Variants in PWP1 observed in about 807,000 individuals in gnomAD.
The protein encoded by PWP1 is PWP1 homolog, endonuclein.
A neutral mutation model predicts 69.9 loss-of-function variants in PWP1; 47 were observed. That is an observed-to-expected ratio of 0.67 (90% CI 0.53 to 0.86). The LOEUF is 0.86. Among genes scored for constraint, PWP1 ranks in the 40% least tolerant of loss-of-function variants. The pLI is 0.00. For synonymous variants in PWP1, 222 were observed against 208.2 expected (o/e 1.07, Z -0.57); for missense variants, 551 against 608.8 (o/e 0.91, Z 1.00).
intron 7 of PWP1, 149 bp from the exon 8 acceptor site, chr12:107,699,223 CA>C (rs1251639225): frequency 5.1e-6 from 3 of 592,368 alleles, no homozygotes; most frequent in Non-Finnish European, 8.9e-6. Flanking sequence ...CGTGCAACTG[CA>C]CTCTAGCCAG....
At chr12:107,706,311 T>C (rs1889823076) in intron 11 of PWP1, among the ~76,000 whole-genome samples, 1 of 152,282 alleles carries the variant, frequency 6.6e-6, no homozygotes, top group Non-Finnish European at 1.5e-5. Flanking sequence ...GTCAGATGAG[T>C]AGATTGCAAA....
intron 8 of PWP1, 104 bp from the exon 9 acceptor site, chr12:107,702,831 A>G (rs1889739656): frequency 2.8e-6 from 2 of 720,726 alleles, no homozygotes; most frequent in South Asian, 3.1e-5. Flanking sequence ...ATTTATTCCT[A>G]AGTATTTTAT....
intron 11 of PWP1, among the ~76,000 whole-genome samples, chr12:107,708,653 G>T (rs1257489290): frequency 6.6e-6 from 1 of 152,164 alleles, no homozygotes; most frequent in African/African-American, 2.4e-5. Context: ...TGTTCACGTG[G>T]ATGTAACTAT....
intron 1 of PWP1, among the ~76,000 whole-genome samples, chr12:107,686,634 C>T (rs2136267099): frequency 6.6e-6 from 1 of 152,268 alleles, no homozygotes; most frequent in South Asian, 2.1e-4. Flanking sequence ...TTCTGTAGGC[C>T]AGGCATTGTT....
chr12:107,688,835 A>C (rs1322282758), intron 3 of PWP1, 33 bp downstream of exon 3: 1 of 1,585,246 alleles, frequency 6.3e-7, no homozygotes, highest in Admixed American at 1.7e-5. Flanking sequence ...GTTTGTAATT[A>C]CAAGCTCAAT....
intron 3 of PWP1, among the ~76,000 whole-genome samples, chr12:107,689,065 T>C (rs1889431786): frequency 6.6e-6 from 1 of 152,226 alleles, no homozygotes; most frequent in African/African-American, 2.4e-5. Flanking sequence ...GTAACCCACT[T>C]GTGAGTTTTT....
rs748131399 is a variant in PWP1 at position 107,704,631 on chromosome 12, T to C, written c.966-5T>C. On this transcript the variant is annotated splice_region_variant and splice_polypyrimidine_tract_variant and intron_variant, in intron 10 of 14. Coordinates refer to ENST00000412830, the MANE Select transcript of PWP1 (RefSeq NM_007062.3). The stretch of plus-strand genomic sequence containing the variant: ...AAAACCCTAACTTTGCCTGAATGTG[T>C]CTAGGTCAGTGGCTTTGTATGACTG... 1.2e-6 allele frequency: 2 copies of C among 1,612,600 alleles called. No individual in the cohort carries two copies. Among genetic ancestry groups the C allele is most frequent in the South Asian group, 1.1e-5 (1 of 91,014 alleles).
In PWP1 at chr12:107,688,766, T is replaced by C. The variant is rs1211013868; in HGVS notation, c.283T>C (p.Tyr95His). 1.2e-6 allele frequency: 2 copies of C among 1,614,032 alleles called. No individual in the cohort carries two copies. Among genetic ancestry groups the C allele is most frequent in the Non-Finnish European group, 1.7e-6 (2 of 1,180,026 alleles). The change falls in exon 3 of 15, where the codon TAC (tyrosine) becomes CAC (histidine). Residue 95 changes from tyrosine to histidine, a missense_variant. Physicochemically the swap from Tyr to His is moderately conservative, Grantham distance 83. Coordinates refer to ENST00000412830, the MANE Select transcript of PWP1 (RefSeq NM_007062.3). The part of the protein sequence containing the change: ...RTLDDDELAE[Y>H]DLDKYDEEGD... ...GCTTGATGATGATGAGCTGGCTGAG[T>C]ACGACTTAGATAAATATGATGAGGA...
rs1414699190 is a variant in PWP1, at chr12:107,688,787, G to A, written c.304G>A (p.Glu102Lys). The change falls in exon 3 of 15, where the codon GAG becomes AAG. Residue 102 changes from glutamate (E) to lysine (K), a missense_variant. Coordinates refer to ENST00000412830, the MANE Select transcript of PWP1 (RefSeq NM_007062.3). ...TGAGTACGACTTAGATAAATATGAT[G>A]AGGAAGGTGACCCAGGTTAGTTTAT... ...LAEYDLDKYD[E>K]EGDPDAETLG... The A allele has an allele frequency of 6.2e-7, 1 of 1,613,850 alleles. No homozygotes were observed. Among genetic ancestry groups the A allele is most frequent in the East Asian group, 2.2e-5 (1 of 44,880 alleles).
rs576567443 is a variant in PWP1, at chr12:107,705,764, A to C, written c.1077+1017A>C. On this transcript the variant is annotated intron_variant, in intron 11 of 14. Transcript: ENST00000412830. ...TATATGTGCCACATTTTCTTAATCC[A>C]GTCTATCATTGATGGACATCTGGGT... Among the ~76,000 whole-genome samples the C allele has an allele frequency of 5.5e-3, 839 of 152,178 alleles. 13 individuals are homozygous for C. Among genetic ancestry groups the C allele is most frequent in the African/African-American group, 0.019 (802 of 41,500 alleles).
At chr12:107,692,468 T>A (rs10746092) in intron 3 of PWP1, among the ~76,000 whole-genome samples, 3 of 152,020 alleles carry the variant, frequency 2.0e-5, no homozygotes, top group East Asian at 3.9e-4. Flanking sequence ...TTCCAGGTCC[T>A]CAAGGCTGCC....
chr12:107,697,937 T>TA, intron 7 of PWP1: 2 of 369,428 alleles, frequency 5.4e-6, no homozygotes, highest in South Asian at 2.1e-5. Flanking sequence ...CCTTGAACTT[T>TA]AAAAAAATTT....
intron 13 of PWP1, among the ~76,000 whole-genome samples, chr12:107,709,510 C>CTT (rs751083294): frequency 5.9e-4 from 77 of 131,372 alleles, no homozygotes; most frequent in African/African-American, 1.8e-3. Flanking sequence ...GAAATGGCTG[C>CTT]TTTTTTTTTT....
At position 107,688,908 on chromosome 12, in the gene PWP1, A is replaced by T. The variant is rs1477311434; in HGVS notation, c.319+106A>T. The stretch of plus-strand genomic sequence containing the variant: ...CTTAGATTTTATTGTTCTTGACATC[A>T]GTAAGATAATCTGGTTGAAGACTTG... On this transcript the variant is annotated intron_variant, in intron 3 of 14. Coordinates refer to ENST00000412830, the MANE Select transcript of PWP1 (RefSeq NM_007062.3). 16 of 1,194,152 alleles carry T rather than the reference A, an allele frequency of 1.3e-5. No individual in the cohort carries two copies. The East Asian group carries it at 2.3e-4, about 17-fold the overall frequency. 74.0% of individuals were successfully genotyped at this position (1,194,152 alleles called of 1,614,324 possible).
intron 11 of PWP1, 123 bp downstream of exon 11, chr12:107,704,870 G>T: frequency 1.4e-6 from 1 of 714,076 alleles, no homozygotes; most frequent in Non-Finnish European, 2.3e-6. Flanking sequence ...TTGGGTTTAG[G>T]GTTGAAAGCA....
Position 107,712,861 on chromosome 12 carries a change from T to G in PWP1, c.*641T>G, listed in dbSNP as rs1242619059. 1.3e-5 allele frequency: 2 copies of G among 152,254 alleles called. No individual in the cohort carries two copies. Among genetic ancestry groups the G allele is most frequent in the African/African-American group, 4.8e-5 (2 of 41,460 alleles). The allele number at this position is 152,254 out of a possible 1,614,324, so 9.4% of individuals were successfully genotyped here. A position where few individuals can be genotyped will look rare whatever the true frequency, so the allele number is the denominator to read the frequency against. On this transcript the variant is annotated 3_prime_UTR_variant, in exon 15 of 15. Transcript: ENST00000412830. ...TATACAAGGCATGGGAGATTCAGTG[T>G]GAATAAGTCTTTGCTCTCCACCTAA...
chr12:107,698,540 C>T (rs1182800422), intron 7 of PWP1, among the ~76,000 whole-genome samples: 1 of 152,156 alleles, frequency 6.6e-6, no homozygotes, highest in African/African-American at 2.4e-5. Context: ...AAAAAATAAA[C>T]TACTATAGTT....
rs76190892 is a variant in PWP1 at position 107,705,387 on chromosome 12, T to A, written c.1077+640T>A. On this transcript the variant is annotated intron_variant, in intron 11 of 14. Transcript: ENST00000412830. ...GTGAGAAAGAGTTTTTTTTTTTTTT[T>A]AAATTTAAGTTCTAGGATACATGTG... is the stretch of plus-strand genomic sequence containing the variant. 4.0e-5 allele frequency among the ~76,000 whole-genome samples: 6 copies of A among 151,750 alleles called. No homozygotes were observed. The East Asian group carries it at 5.8e-4, about 15-fold the overall frequency.
At chr12:107,708,734 GACATGTCAACTGAATTA>G (rs1889877803) in intron 11 of PWP1, among the ~76,000 whole-genome samples, 175 bp from the exon 12 acceptor site, 1 of 152,190 alleles carries the variant, frequency 6.6e-6, no homozygotes, top group South Asian at 2.1e-4. Flanking sequence ...ATATCCAGTA[GACATGTCAACTGAATTA>G]GCCCATGTGA....
Sources: allele counts gnomAD v4.1 joint callset (sites outside exome capture counted in the v4.1 genomes callset), GRCh38; gene constraint gnomAD v4.1.1; transcripts MANE v1.5; gene names NCBI Gene and HGNC (gene_info 2026-07-23, HGNC 2026-07-21).